GSTA1: variants seen among roughly 807,000 people sequenced by gnomAD.
The protein encoded by GSTA1 is glutathione S-transferase alpha 1.
A neutral mutation model predicts 21.5 loss-of-function variants in GSTA1; 23 were observed. The observed-to-expected ratio is 1.07, with a 90% CI of 0.77 to 1.52. GSTA1 has a LOEUF of 1.52. Among genes scored for constraint, GSTA1 ranks in the 40% most tolerant of loss-of-function variants. GSTA1 has a pLI of 0.00. For missense variants in GSTA1, 301 were observed against 264.2 expected, an observed-to-expected ratio of 1.14 and a Z score of -0.96; for synonymous variants, 125 against 90.0, an observed-to-expected ratio of 1.39 and a Z score of -2.20.
intron 1 of GSTA1, among the ~76,000 whole-genome samples, chr6:52,800,991 C>T (rs1474401495): frequency 6.6e-6 from 1 of 152,178 alleles, no homozygotes; most frequent in Admixed American, 6.5e-5. Context: ...TAGTGATTCT[C>T]CTCCCTCAGC....
rs1215423798 is a variant in GSTA1, at chr6:52,792,955, A to C, written c.447T>G (p.Val149=). ...TGTCAGCCCGGCTCAGCTTGTTGCC[A>C]ACAAGGTAGTCTTGTCCATGGCTCT... is the stretch of plus-strand genomic sequence containing the variant. ...VLKSHGQDYL[V]GNKLSRADIH... Residue 149 remains valine (V), a synonymous_variant, in exon 6 of 7, where the codon GTT becomes GTG. Transcript: ENST00000334575. The C allele has an allele frequency of 3.1e-6, 5 of 1,614,052 alleles. No homozygotes were observed. Among genetic ancestry groups the C allele is most frequent in the Non-Finnish European group, 4.2e-6 (5 of 1,179,978 alleles).
intron 3 of GSTA1, among the ~76,000 whole-genome samples, chr6:52,797,364 T>G (rs1763615345): frequency 6.6e-6 from 1 of 152,094 alleles, no homozygotes; most frequent in African/African-American, 2.4e-5. Flanking sequence ...CGGTGGGAGA[T>G]TGTTCCTCTA....
At chr6:52,792,039 T>A in intron 6 of GSTA1, 59 bp from the exon 7 acceptor site, 1 of 1,604,180 alleles carries the variant, frequency 6.2e-7, no homozygotes, top group Non-Finnish European at 8.5e-7. Flanking sequence ...ACCATTAACA[T>A]GACCCAGGGA....
chr6:52,795,230 C>T (rs1201140822), intron 4 of GSTA1, among the ~76,000 whole-genome samples: 3 of 152,124 alleles, frequency 2.0e-5, no homozygotes, highest in Non-Finnish European at 4.4e-5. Context: ...ATGTGGCCTT[C>T]TGTGTCTTGT....
intron 5 of GSTA1, 27 bp from the exon 6 acceptor site, chr6:52,793,014 G>A: frequency 6.2e-7 from 1 of 1,613,834 alleles, no homozygotes; most frequent in South Asian, 1.1e-5. Flanking sequence ...ATCAGATCAG[G>A]AACACATGCA....
At chr6:52,795,232 G>C (rs1267543484) in intron 4 of GSTA1, among the ~76,000 whole-genome samples, 1 of 152,076 alleles carries the variant, frequency 6.6e-6, no homozygotes, top group African/African-American at 2.4e-5. Flanking sequence ...GTGGCCTTCT[G>C]TGTCTTGTTT....
At chr6:52,802,123 T>C (rs1763732627) in intron 1 of GSTA1, among the ~76,000 whole-genome samples, 1 of 152,186 alleles carries the variant, frequency 6.6e-6, no homozygotes, top group Non-Finnish European at 1.5e-5. Flanking sequence ...AACTGTGACT[T>C]TCTCTGATTT....
chr6:52,801,179 C>T (rs6458871), intron 1 of GSTA1, among the ~76,000 whole-genome samples: 95,852 of 152,062 alleles, frequency 0.63, 30,808 homozygotes, highest in East Asian at 0.87. Flanking sequence ...CTGCACCCGG[C>T]CTCAACTAAT....
At chr6:52,799,335 T>A in intron 1 of GSTA1, 38 bp from the exon 2 acceptor site, 1 of 1,372,320 alleles carries the variant, frequency 7.3e-7, no homozygotes, top group Non-Finnish European at 1.0e-6. Flanking sequence ...ATTGAAACGA[T>A]AGAATCAAAA....
chr6:52,797,719 C>T (rs1475913921), intron 2 of GSTA1, 82 bp from the exon 3 acceptor site: 1 of 1,190,874 alleles, frequency 8.4e-7, no homozygotes, highest in Non-Finnish European at 1.2e-6. Flanking sequence ...TCTGGTGCAT[C>T]ATTTGGAGAA....
At chr6:52,792,485 G>A (rs1480350998) in intron 6 of GSTA1, among the ~76,000 whole-genome samples, 1 of 152,120 alleles carries the variant, frequency 6.6e-6, no homozygotes, top group African/African-American at 2.4e-5. Flanking sequence ...AGCCCAGGGA[G>A]GAAACCAGAT....
chr6:52,801,492 A>T (rs1465256543), intron 1 of GSTA1, among the ~76,000 whole-genome samples: 1 of 152,216 alleles, frequency 6.6e-6, no homozygotes, highest in East Asian at 1.9e-4. Context: ...TAGAGTTCAC[A>T]GTGTTGTAAT....
At position 52,796,181 on chromosome 6, in the gene GSTA1, C is replaced by G. The variant is rs144833071; in HGVS notation, c.272+1G>C. 5 of 1,613,258 alleles carry G rather than the reference C, an allele frequency of 3.1e-6. No homozygotes were observed. Among genetic ancestry groups the G allele is most frequent in the Non-Finnish European group, 4.2e-6 (5 of 1,179,780 alleles). Reference sequence around the variant, plus strand: ...ATGGAAGAACAGAAAATATACCGTACAGGGCTCTCTCCTTTATGTCTTTCC... The same window carrying G: ...ATGGAAGAACAGAAAATATACCGTAGAGGGCTCTCTCCTTTATGTCTTTCC... On this transcript the variant is annotated splice_donor_variant, in intron 4 of 6. Transcript: ENST00000334575. LOFTEE classifies it high-confidence loss of function.
In GSTA1 at chr6:52,799,177, C is replaced by T. The variant is rs200779620; in HGVS notation, c.87+4G>A. ...AACTTAAGATGACCTAACTCAGAAC[C>T]TACCTCTACTCCAGCTGCAGCCAGG... On this transcript the variant is annotated splice_donor_region_variant and intron_variant, in intron 2 of 6. Coordinates refer to ENST00000334575, the MANE Select transcript of GSTA1 (RefSeq NM_145740.5). 1,645 of 1,613,224 alleles carry T rather than the reference C, an allele frequency of 1.0e-3. 2 individuals carry two copies. The highest frequency in any genetic ancestry group is 1.3e-3 in the Non-Finnish European group (1,493 of 1,179,300).
intron 1 of GSTA1, among the ~76,000 whole-genome samples, chr6:52,800,183 T>C (rs1215034561): frequency 1.3e-5 from 2 of 152,238 alleles, no homozygotes; most frequent in Non-Finnish European, 2.9e-5. Context: ...TAAACTTCTC[T>C]TCGTTTTATC....
intron 4 of GSTA1, 68 bp downstream of exon 4, chr6:52,796,114 C>G (rs1763573045): frequency 6.2e-7 from 1 of 1,607,858 alleles, no homozygotes. Flanking sequence ...CATCGTCCCA[C>G]CCACTCAAGG....
Position 52,797,680 on chromosome 6 carries a change from A to G in GSTA1, c.88-43T>C, listed in dbSNP as rs544428509. On this transcript the variant is annotated intron_variant, in intron 2 of 6. Coordinates refer to ENST00000334575, the MANE Select transcript of GSTA1 (RefSeq NM_145740.5). The stretch of plus-strand genomic sequence containing the variant: ...AAATACGTTCTTGTTAGTTCATTCT[A>G]TTATAGACTGTGGCCTTGAATGGCC... The G allele has an allele frequency of 4.2e-5, 65 of 1,530,368 alleles. No homozygotes were observed. In the African/African-American group the frequency reaches 7.5e-4, roughly 18 times the overall value. 94.8% of individuals were successfully genotyped at this position (1,530,368 alleles called of 1,614,324 possible). A position where few individuals can be genotyped will look rare whatever the true frequency, so the allele number is the denominator to read the frequency against.
intron 1 of GSTA1, among the ~76,000 whole-genome samples, chr6:52,800,858 C>A (rs933187114): frequency 1.1e-4 from 17 of 152,222 alleles, no homozygotes; most frequent in Non-Finnish European, 1.9e-4. Flanking sequence ...AATATACTTG[C>A]CTTTAACAAC....
In GSTA1 at chr6:52,793,106, A is replaced by G. The variant is rs558168806; in HGVS notation, c.415-119T>C. On this transcript the variant is annotated intron_variant, in intron 5 of 6. Transcript: ENST00000334575. The stretch of plus-strand genomic sequence containing the variant: ...CTCTGTTGCCTTACTGCATGGGTGC[A>G]GAAATCCAGAGCTTTCTCCACATTA... 6.7e-6 allele frequency: 9 copies of G among 1,353,162 alleles called. No individual in the cohort carries two copies. The East Asian group carries it at 2.1e-4, about 31-fold the overall frequency. 83.8% of individuals were successfully genotyped at this position (1,353,162 alleles called of 1,614,324 possible). A position where few individuals can be genotyped will look rare whatever the true frequency, so the allele number is the denominator to read the frequency against.
Sources: allele counts gnomAD v4.1 joint callset (sites outside exome capture counted in the v4.1 genomes callset), GRCh38; gene constraint gnomAD v4.1.1; transcripts MANE v1.5; gene names NCBI Gene and HGNC (gene_info 2026-07-23, HGNC 2026-07-21).